The following TSC22D2 variants were observed in gnomAD, a reference collection of about 807,000 sequenced individuals.
The protein encoded by TSC22D2 is TSC22 domain family member 2.
A neutral mutation model predicts 50.1 loss-of-function variants in TSC22D2; 5 were observed. The ratio of observed to expected loss-of-function variants is 0.10; its 90% CI spans 0.05 to 0.21. The LOEUF (loss-of-function observed/expected upper bound fraction) is 0.21, where lower values mean the gene tolerates loss of function less well. Among genes scored for constraint, TSC22D2 ranks in the 10% least tolerant of loss-of-function variants. The pLI is 1.00. For missense variants in TSC22D2, 1,003 were observed against 1,015.5 expected (o/e 0.99, Z 0.17); for synonymous variants, 501 against 450.1 (o/e 1.11, Z -1.43).
chr3:150,456,799 T>C (rs1721205600), intron 1 of TSC22D2, among the ~76,000 whole-genome samples: 1 of 152,228 alleles, frequency 6.6e-6, no homozygotes, highest in African/African-American at 2.4e-5. Context: ...AGAGAAATTC[T>C]TAATACAATT....
At chr3:150,422,266 GT>G (rs1427738358) in intron 1 of TSC22D2, among the ~76,000 whole-genome samples, 3 of 152,186 alleles carry the variant, frequency 2.0e-5, no homozygotes, top group African/African-American at 4.8e-5. Context: ...GAGGGAACAG[GT>G]TTGTCAAAAG....
At chr3:150,416,312 C>A (rs1231532167) in intron 1 of TSC22D2, among the ~76,000 whole-genome samples, 1 of 152,064 alleles carries the variant, frequency 6.6e-6, no homozygotes, top group East Asian at 1.9e-4. Flanking sequence ...GAAGGAGAGG[C>A]CTTACAAAAG....
chr3:150,457,948 A>G (rs377297983), intron 2 of TSC22D2, among the ~76,000 whole-genome samples: 60 of 152,160 alleles, frequency 3.9e-4, no homozygotes, highest in African/African-American at 1.4e-3. Context: ...GTCTCAAACT[A>G]TTTTTTTAAA....
At chr3:150,430,119 A>C (rs1373047346) in intron 1 of TSC22D2, among the ~76,000 whole-genome samples, 1 of 152,146 alleles carries the variant, frequency 6.6e-6, no homozygotes, top group Non-Finnish European at 1.5e-5. Flanking sequence ...AGCACTTCAT[A>C]TCTCTCAAGT....
At chr3:150,419,581 T>C (rs1253017908) in intron 1 of TSC22D2, among the ~76,000 whole-genome samples, 2 of 152,126 alleles carry the variant, frequency 1.3e-5, no homozygotes, top group Non-Finnish European at 2.9e-5. Flanking sequence ...TGCTTTAAGC[T>C]TTGACAATTT....
In TSC22D2 at chr3:150,461,866, GTC is replaced by G. The variant is rs1721426771; in HGVS notation, c.*3232_*3233del. 1 of 147,728 alleles carries G rather than the reference GTC, an allele frequency of 6.8e-6. No homozygotes were observed. Among genetic ancestry groups the G allele is most frequent in the Admixed American group, 6.8e-5 (1 of 14,776 alleles). 9.2% of individuals were successfully genotyped at this position (147,728 alleles called of 1,614,324 possible). On this transcript the variant is annotated 3_prime_UTR_variant, in exon 3 of 3. Coordinates refer to ENST00000688009, the MANE Select transcript of TSC22D2 (RefSeq NM_001303264.2). The stretch of plus-strand genomic sequence containing the variant: ...GGACCTTTTTTTAAAAAAAAAAAAA[GTC>G]TTAATAGAACCAGAATATCTCTGTT...
At chr3:150,422,549 C>T (rs568994353) in intron 1 of TSC22D2, among the ~76,000 whole-genome samples, 11 of 152,148 alleles carry the variant, frequency 7.2e-5, no homozygotes, top group Non-Finnish European at 2.9e-5. Flanking sequence ...GGAAATGTGT[C>T]AAGTCCAACC....
In TSC22D2 at chr3:150,462,163, A is replaced by T. The variant is rs1164892975; in HGVS notation, c.*3527A>T. 1 of 152,182 alleles carries T rather than the reference A, an allele frequency of 6.6e-6. No homozygotes were observed. The highest frequency in any genetic ancestry group is 1.5e-5 in the Non-Finnish European group (1 of 68,044). 9.4% of individuals were successfully genotyped at this position (152,182 alleles called of 1,614,324 possible). ...CAGGGTAGGTTTCCTCAAAAACATG[A>T]CACCTGAGTCTTGAAGGTCATAAGA... On this transcript the variant is annotated 3_prime_UTR_variant, in exon 3 of 3. Transcript: ENST00000688009.
chr3:150,431,670 G>A (rs1291546819), intron 1 of TSC22D2, among the ~76,000 whole-genome samples: 2 of 152,222 alleles, frequency 1.3e-5, no homozygotes, highest in South Asian at 2.1e-4. Flanking sequence ...GGGAGTATTC[G>A]AAAGGCAAGG....
At chr3:150,455,564 A>G (rs1300046736) in intron 1 of TSC22D2, among the ~76,000 whole-genome samples, 2 of 152,188 alleles carry the variant, frequency 1.3e-5, no homozygotes, top group African/African-American at 4.8e-5. Flanking sequence ...CCATTGAGGC[A>G]TTGACATCAA....
chr3:150,453,949 A>G (rs1265263131), intron 1 of TSC22D2, among the ~76,000 whole-genome samples: 1 of 152,204 alleles, frequency 6.6e-6, no homozygotes, highest in Non-Finnish European at 1.5e-5. Flanking sequence ...AGTACTATGC[A>G]TTATGTAAAC....
chr3:150,440,132 G>A (rs931744891), intron 1 of TSC22D2, among the ~76,000 whole-genome samples: 6 of 152,174 alleles, frequency 3.9e-5, no homozygotes, highest in African/African-American at 1.2e-4. Flanking sequence ...TGCTCAAGTC[G>A]CATAGCCATT....
chr3:150,411,555 A>G (rs531822446), intron 1 of TSC22D2, among the ~76,000 whole-genome samples: 2 of 152,236 alleles, frequency 1.3e-5, no homozygotes, highest in Non-Finnish European at 2.9e-5. Flanking sequence ...ACTCAAAAAA[A>G]GGTGAATTTA....
intron 2 of TSC22D2, 26 bp from the exon 3 acceptor site, chr3:150,458,350 G>A (rs1559852920): frequency 6.3e-7 from 1 of 1,600,000 alleles, no homozygotes; most frequent in Admixed American, 1.7e-5. Context: ...TCACTCTTTT[G>A]ACATTCCTAA....
Position 150,410,161 on chromosome 3 carries a change from G to T in TSC22D2, c.811G>T (p.Val271Phe). The stretch of plus-strand genomic sequence containing the variant: ...TCCGGCCCAGCCGCAGAGTTTTAGC[G>T]TTGGGCAGCCACAGCCGCCGCCGCC... Reference protein sequence around the residue: ...PTPAQPQSFSVGQPQPPPPPV... With the variant: ...PTPAQPQSFSFGQPQPPPPPV... Residue 271 changes from valine (V) to phenylalanine (F), a missense_variant, in exon 1 of 3, where the codon GTT becomes TTT. Physicochemically the swap from Val to Phe is conservative, Grantham distance 50 (BLOSUM62 -1). This residue lies in a region of TSC22D2 where 696 missense variants were observed against 647.8 expected (regional missense o/e 1.07). Transcript: ENST00000688009. 6.2e-7 allele frequency: 1 copy of T among 1,610,508 alleles called. No individual in the cohort carries two copies. The highest frequency in any genetic ancestry group is 8.5e-7 in the Non-Finnish European group (1 of 1,179,230).
rs1417655775 is a variant in TSC22D2, at chr3:150,411,014, A to G, written c.1664A>G (p.Gln555Arg). ...GTCAGCAGGAGCAGCAGCATAATCC[A>G]GCATGTTGGGCTGCCCTTAGCGCCA... ...TPVSRSSSII[Q>R]HVGLPLAPGT... Residue 555 changes from glutamine (Q) to arginine (R), a missense_variant, in exon 1 of 3, where the codon CAG becomes CGG. Around this residue, in one of 6 missense-constraint regions of TSC22D2, gnomAD observed 696 missense variants for 647.8 expected, o/e 1.07. Coordinates refer to ENST00000688009, the MANE Select transcript of TSC22D2 (RefSeq NM_001303264.2). The G allele has an allele frequency of 1.2e-6, 2 of 1,614,214 alleles. No homozygotes were observed. The highest frequency in any genetic ancestry group is 8.5e-7 in the Non-Finnish European group (1 of 1,180,034).
intron 1 of TSC22D2, among the ~76,000 whole-genome samples, chr3:150,449,993 A>T (rs1001641377): frequency 6.6e-6 from 1 of 152,010 alleles, no homozygotes; most frequent in African/African-American, 2.4e-5. Flanking sequence ...AAAAAATTAG[A>T]CATGCAGTTA....
At chr3:150,445,316 AAATAATAATAATAATAAT>A (rs139705131) in intron 1 of TSC22D2, among the ~76,000 whole-genome samples, 117 of 142,536 alleles carry the variant, frequency 8.2e-4, no homozygotes, top group African/African-American at 2.6e-3. Context: ...TCTGTCTCAA[AAATAATAATAATAATAAT>A]AATAATAATA....
At chr3:150,435,150 G>T (rs1293153359) in intron 1 of TSC22D2, among the ~76,000 whole-genome samples, 1 of 151,822 alleles carries the variant, frequency 6.6e-6, no homozygotes, top group Non-Finnish European at 1.5e-5. Context: ...CCTAATTTTT[G>T]TATTTTTTAG....
Sources: allele counts gnomAD v4.1 joint callset (sites outside exome capture counted in the v4.1 genomes callset), GRCh38; gene constraint gnomAD v4.1.1; regional missense constraint gnomAD v4.1.1; transcripts MANE v1.5; gene names NCBI Gene and HGNC (gene_info 2026-07-23, HGNC 2026-07-21).